Variants in PANK1 observed in about 807,000 individuals in gnomAD.
PANK1 encodes the protein pantothenate kinase 1, also known as pantothenic acid kinase 1.
A neutral mutation model predicts 40.1 loss-of-function variants in PANK1; 18 were observed. The ratio of observed to expected loss-of-function variants is 0.45; its 90% CI spans 0.31 to 0.67. The LOEUF is 0.67. Among genes scored for constraint, PANK1 ranks in the 30% least tolerant of loss-of-function variants. The pLI is 0.06. For missense variants in PANK1, 457 were observed against 599.6 expected (o/e 0.76, Z 2.48); for synonymous variants, 242 against 237.7 (o/e 1.02, Z -0.17).
chr10:89,592,700 C>A, intron 5 of PANK1: 1 of 533,096 alleles, frequency 1.9e-6, no homozygotes. Flanking sequence ...CCAGCTCCAC[C>A]CCTTTTTGTG....
intron 1 of PANK1, chr10:89,643,646 A>G: frequency 7.2e-7 from 1 of 1,393,798 alleles, no homozygotes; most frequent in Non-Finnish European, 1.0e-6. Flanking sequence ...TATATCGAAC[A>G]GCATAACCTC....
intron 3 of PANK1, among the ~76,000 whole-genome samples, chr10:89,598,708 G>A (rs1296365828): frequency 6.6e-6 from 1 of 151,872 alleles, no homozygotes; most frequent in Non-Finnish European, 1.5e-5. Flanking sequence ...CCATGGCCAT[G>A]GGGCTGTTTC....
At chr10:89,603,412 C>G (rs987923351) in intron 2 of PANK1, among the ~76,000 whole-genome samples, 2 of 152,052 alleles carry the variant, frequency 1.3e-5, no homozygotes, top group African/African-American at 4.8e-5. Flanking sequence ...ACTCCTCAAA[C>G]TTAAAAACAA....
chr10:89,631,223 T>C (rs756381458), intron 1 of PANK1, among the ~76,000 whole-genome samples: 1 of 152,210 alleles, frequency 6.6e-6, no homozygotes, highest in African/African-American at 2.4e-5. Context: ...AAGCACATTT[T>C]CATAAAGCTG....
At position 89,593,261 on chromosome 10, in the gene PANK1, C is replaced by A. The variant is rs775269190; in HGVS notation, c.1136G>T (p.Arg379Leu). ...GTTGGTGATGGTGACCAATGTGGCC[C>A]GGGCGAGGTCTTCCTTGCTGATGGA... ...RDSISKEDLARATLVTITNNI... is the reference protein window; with the variant it reads ...RDSISKEDLALATLVTITNNI... Residue 379 changes from arginine (R) to leucine (L), a missense_variant, in exon 5 of 7, where the codon CGG becomes CTG. Physicochemically the swap from Arg to Leu is moderately radical, Grantham distance 102. Coordinates refer to ENST00000307534, the MANE Select transcript of PANK1 (RefSeq NM_148977.3). The A allele has an allele frequency of 6.2e-7, 1 of 1,613,696 alleles. No homozygotes were observed. Among genetic ancestry groups the A allele is most frequent in the South Asian group, 1.1e-5 (1 of 91,064 alleles).
At chr10:89,622,827 A>C (rs149247207) in intron 1 of PANK1, among the ~76,000 whole-genome samples, 3,045 of 150,364 alleles carry the variant, frequency 0.02, 110 homozygotes, top group African/African-American at 0.07. Context: ...ACAGAGCGAG[A>C]CTCCATTCCA....
intron 1 of PANK1, among the ~76,000 whole-genome samples, chr10:89,635,274 G>A (rs553991725): frequency 5.9e-5 from 9 of 151,912 alleles, no homozygotes; most frequent in Non-Finnish European, 7.4e-5. Flanking sequence ...GAAATTTATC[G>A]GGCTCACAAT....
chr10:89,610,926 GATTATT>G (rs1845133047), intron 2 of PANK1, among the ~76,000 whole-genome samples: 1 of 151,868 alleles, frequency 6.6e-6, no homozygotes, highest in South Asian at 2.1e-4. Flanking sequence ...ACAGTACAGA[GATTATT>G]ATATTGACTG....
chr10:89,584,421 C>T lies in PANK1; in HGVS notation c.1371G>A (p.Met457Ile). 1 of 1,605,500 alleles carries T rather than the reference C, an allele frequency of 6.2e-7. No individual in the cohort carries two copies. Among genetic ancestry groups the T allele is most frequent in the Non-Finnish European group, 8.5e-7 (1 of 1,172,228 alleles). The change falls in exon 7 of 7, where the codon ATG becomes ATA. Residue 457 changes from methionine to isoleucine, a missense_variant. Transcript: ENST00000307534. ...CTGCTCGTCTCTACTTGTCATCAGT[C>T]ATTTTGAACAGTTCCAACAGTGCCC... ...AVGALLELFK[M>I]TDDK
At chr10:89,644,377 C>T (rs1842051146) in intron 1 of PANK1, among the ~76,000 whole-genome samples, 1 of 152,232 alleles carries the variant, frequency 6.6e-6, no homozygotes, top group Non-Finnish European at 1.5e-5. Flanking sequence ...AATCCTCGTT[C>T]TACTGATAGA....
intron 1 of PANK1, among the ~76,000 whole-genome samples, chr10:89,642,238 C>T (rs1841991077): frequency 1.3e-5 from 2 of 152,190 alleles, no homozygotes; most frequent in Admixed American, 6.5e-5. Flanking sequence ...AAATACTGAT[C>T]TGTTTTATTC....
At chr10:89,635,152 A>G (rs1841767020) in intron 1 of PANK1, among the ~76,000 whole-genome samples, 1 of 151,922 alleles carries the variant, frequency 6.6e-6, no homozygotes, top group Non-Finnish European at 1.5e-5. Context: ...ATAGAGAGAG[A>G]GAGAGATAAA....
Position 89,645,153 on chromosome 10 carries a change from C to T in PANK1, c.-262G>A, listed in dbSNP as rs780297405. The stretch of plus-strand genomic sequence containing the variant: ...CCCCGGGCGCGGAATCGGGGATCCC[C>T]GCGCACCCCCAGCCGGGGCTCCCGC... On this transcript the variant is annotated 5_prime_UTR_variant, in exon 1 of 7. Transcript: ENST00000307534. 2.0e-6 allele frequency: 3 copies of T among 1,527,830 alleles called. No homozygotes were observed. Among genetic ancestry groups the T allele is most frequent in the Admixed American group, 4.2e-5 (2 of 47,496 alleles). 94.6% of individuals were successfully genotyped at this position (1,527,830 alleles called of 1,614,324 possible).
chr10:89,599,046 T>C, intron 3 of PANK1: 1 of 534,714 alleles, frequency 1.9e-6, no homozygotes. Flanking sequence ...CTGACCAAAG[T>C]TTCTATCAAG....
intron 5 of PANK1, among the ~76,000 whole-genome samples, chr10:89,589,877 C>T (rs1284311918): frequency 2.0e-5 from 3 of 151,262 alleles, no homozygotes; most frequent in Non-Finnish European, 2.9e-5. Flanking sequence ...AGGAGTTTTG[C>T]CCTTTCTCCC....
chr10:89,625,748 A>G (rs574257360), intron 1 of PANK1: 37 of 152,332 alleles, frequency 2.4e-4, no homozygotes, highest in African/African-American at 8.7e-4. Context: ...AAAAAGAAAA[A>G]AAAAAAGCTC....
intron 2 of PANK1, among the ~76,000 whole-genome samples, chr10:89,610,450 G>A (rs1417685818): frequency 7.4e-6 from 1 of 134,660 alleles, no homozygotes; most frequent in Non-Finnish European, 1.6e-5. Context: ...TGGGTAATAG[G>A]AGGGGACATA....
intron 1 of PANK1, among the ~76,000 whole-genome samples, chr10:89,621,820 T>C (rs950299897): frequency 1.3e-5 from 2 of 152,214 alleles, no homozygotes; most frequent in Non-Finnish European, 2.9e-5. Context: ...TTCAAGCAAT[T>C]CTCCTGTCTC....
At chr10:89,598,882 A>G (rs1198069057) in intron 3 of PANK1, among the ~76,000 whole-genome samples, 2 of 152,256 alleles carry the variant, frequency 1.3e-5, no homozygotes, top group African/African-American at 4.8e-5. Context: ...CTAGGCATCA[A>G]TGAGGGTCCA....
Sources: allele counts gnomAD v4.1 joint callset (sites outside exome capture counted in the v4.1 genomes callset), GRCh38; gene constraint gnomAD v4.1.1; transcripts MANE v1.5; gene names NCBI Gene and HGNC (gene_info 2026-07-23, HGNC 2026-07-21).